The following SGMS1 variants were observed in gnomAD, a reference collection of about 807,000 sequenced individuals.
The protein encoded by SGMS1 is sphingomyelin synthase 1, also known as phosphatidylcholine:ceramide cholinephosphotransferase 1.
SGMS1 carries 13 observed loss-of-function variants against 46.2 expected under a neutral mutation model. That is an observed-to-expected ratio of 0.28 (90% CI 0.18 to 0.45). SGMS1 has a LOEUF of 0.45. SGMS1 is among the 20% of genes least tolerant of loss of function. The pLI, the probability that SGMS1 is intolerant of heterozygous loss-of-function variation, is 1.00. For synonymous variants in SGMS1, 203 were observed against 187.8 expected (o/e 1.08, Z -0.66); for missense variants, 324 against 519.9 (o/e 0.62, Z 3.66).
At chr10:50,414,030 T>C (rs1430837729) in intron 6 of SGMS1, among the ~76,000 whole-genome samples, 3 of 152,268 alleles carry the variant, frequency 2.0e-5, no homozygotes, top group Non-Finnish European at 4.4e-5. Context: ...TGAAAGTCTC[T>C]CAGCTTTTAC....
At chr10:50,530,520 T>C (rs1217679747) in intron 2 of SGMS1, among the ~76,000 whole-genome samples, 2 of 152,178 alleles carry the variant, frequency 1.3e-5, no homozygotes. Context: ...TCTCACTGTG[T>C]CGCCCAGGCT....
At chr10:50,552,269 C>T (rs917147877) in intron 2 of SGMS1, among the ~76,000 whole-genome samples, 5 of 152,136 alleles carry the variant, frequency 3.3e-5, no homozygotes, top group Non-Finnish European at 1.5e-5. Context: ...TATTAAGTAA[C>T]AAAAAGTCAG....
In SGMS1 at chr10:50,445,647, G is replaced by A. The variant is rs183345374; in HGVS notation, c.-312-12091C>T. ...GTCTTTACTTTAATCTCTTAATCCC[G>A]TCATCTTCGTAAACTGAGGATGAAT... On this transcript the variant is annotated intron_variant, in intron 5 of 10. Coordinates refer to ENST00000361781, the MANE Select transcript of SGMS1 (RefSeq NM_147156.4). Among the ~76,000 whole-genome samples the A allele has an allele frequency of 2.9e-3, 445 of 152,096 alleles. 4 individuals are homozygous for A. Among genetic ancestry groups the A allele is most frequent in the South Asian group, 0.016 (75 of 4,798 alleles).
intron 5 of SGMS1, among the ~76,000 whole-genome samples, chr10:50,450,268 G>A (rs2133659432): frequency 6.6e-6 from 1 of 152,302 alleles, no homozygotes; most frequent in South Asian, 2.1e-4. Context: ...AGAGAGGAGT[G>A]AGTGTGAAAG....
intron 1 of SGMS1, chr10:50,623,481 G>A: frequency 1.3e-6 from 1 of 766,906 alleles, no homozygotes; most frequent in Non-Finnish European, 1.6e-6. Context: ...CTCCGAGCCC[G>A]GATCCCGGCC....
chr10:50,594,558 T>A (rs72803733), intron 1 of SGMS1, among the ~76,000 whole-genome samples: 23 of 152,370 alleles, frequency 1.5e-4, no homozygotes, highest in Non-Finnish European at 2.4e-4. Flanking sequence ...TTATTACACT[T>A]GATTTTATTT....
intron 2 of SGMS1, among the ~76,000 whole-genome samples, chr10:50,575,145 A>G (rs1838372538): frequency 6.6e-6 from 1 of 151,948 alleles, no homozygotes; most frequent in South Asian, 2.1e-4. Flanking sequence ...CTGTTGTTCT[A>G]TAGATATGAA....
intron 1 of SGMS1, among the ~76,000 whole-genome samples, chr10:50,598,140 GA>G (rs1838614431): frequency 7.0e-6 from 1 of 143,074 alleles, no homozygotes; most frequent in African/African-American, 2.6e-5. Flanking sequence ...ACGGTATTCA[GA>G]GAGGACTCCT....
chr10:50,388,097 G>T (rs1055023034), intron 6 of SGMS1, among the ~76,000 whole-genome samples: 1 of 152,160 alleles, frequency 6.6e-6, no homozygotes, highest in Non-Finnish European at 1.5e-5. Flanking sequence ...TACCATTTGT[G>T]TAAGAGAGGG....
At chr10:50,562,386 G>T (rs1477184512) in intron 2 of SGMS1, among the ~76,000 whole-genome samples, 2 of 149,580 alleles carry the variant, frequency 1.3e-5, no homozygotes, top group African/African-American at 4.9e-5. Context: ...ACTCACACAC[G>T]GGCGCGCATG....
intron 7 of SGMS1, among the ~76,000 whole-genome samples, chr10:50,334,290 T>A (rs1248322157): frequency 6.6e-6 from 1 of 152,226 alleles, no homozygotes; most frequent in East Asian, 1.9e-4. Context: ...TTTTAGGCTG[T>A]CAACAAAAAT....
chr10:50,435,811 T>G (rs141599712), intron 5 of SGMS1, among the ~76,000 whole-genome samples: 97 of 152,246 alleles, frequency 6.4e-4, no homozygotes, highest in African/African-American at 2.3e-3. Flanking sequence ...CATACTAACT[T>G]TAAAACAGAA....
intron 1 of SGMS1, among the ~76,000 whole-genome samples, chr10:50,606,979 CTTTT>C (rs1156272339): frequency 7.2e-6 from 1 of 138,814 alleles, no homozygotes; most frequent in Non-Finnish European, 1.6e-5. Context: ...TAGCATTGTA[CTTTT>C]TTTTTTTTTT....
chr10:50,477,192 G>C (rs79584866), intron 3 of SGMS1, among the ~76,000 whole-genome samples: 3 of 152,260 alleles, frequency 2.0e-5, no homozygotes, highest in Non-Finnish European at 2.9e-5. Context: ...CCCAAAGCTT[G>C]GAAGTCCATG....
intron 6 of SGMS1, among the ~76,000 whole-genome samples, chr10:50,408,444 A>AAAAAAAAAAAAC (rs1214451249): frequency 4.7e-5 from 7 of 148,090 alleles, no homozygotes; most frequent in Non-Finnish European, 7.4e-5. Context: ...AAAAAAAAAA[A>AAAAAAAAAAAAC]AAAAAAAAAA....
At chr10:50,476,777 C>T (rs1837431665) in intron 3 of SGMS1, among the ~76,000 whole-genome samples, 1 of 152,202 alleles carries the variant, frequency 6.6e-6, no homozygotes, top group Non-Finnish European at 1.5e-5. Flanking sequence ...GGCCACTGCT[C>T]CAGAGGGTGC....
chr10:50,336,309 G>T (rs1037673583), intron 7 of SGMS1, among the ~76,000 whole-genome samples: 1 of 152,188 alleles, frequency 6.6e-6, no homozygotes, highest in African/African-American at 2.4e-5. Context: ...GAGAGAAAAC[G>T]TACTAGAAAC....
At chr10:50,433,206 GAATTCTCTT>G (rs528770746) in intron 6 of SGMS1, among the ~76,000 whole-genome samples, 24 of 152,276 alleles carry the variant, frequency 1.6e-4, no homozygotes, top group Admixed American at 3.9e-4. Context: ...CATGTGCAGG[GAATTCTCTT>G]AATTCTTCAA....
At chr10:50,319,006 G>GGTCA (rs775443011) in intron 8 of SGMS1, among the ~76,000 whole-genome samples, 19 of 151,944 alleles carry the variant, frequency 1.3e-4, no homozygotes, top group Non-Finnish European at 2.8e-4. Flanking sequence ...CTTAAATAAA[G>GGTCA]GTCAGCTATG....
Sources: gnomAD v4.1 joint callset for allele counts (sites outside exome capture counted in the v4.1 genomes callset) on GRCh38, gnomAD v4.1.1 for gene constraint, MANE v1.5 for transcripts, NCBI Gene and HGNC (gene_info 2026-07-23, HGNC 2026-07-21) for gene names.